Variants in SMYD3 observed in about 807,000 individuals in gnomAD.
SMYD3 encodes the protein SET and MYND domain containing 3.
SMYD3 carries 36 observed loss-of-function variants against 57.7 expected under a neutral mutation model. That is an observed-to-expected ratio of 0.62 (90% CI 0.48 to 0.82). The LOEUF (loss-of-function observed/expected upper bound fraction) is 0.82, where lower values mean the gene tolerates loss of function less well. SMYD3 is among the 40% of genes least tolerant of loss of function. The probability of loss-of-function intolerance (pLI) is 0.00; values close to 1 mark genes in which losing one functional copy is unlikely to be tolerated. For synonymous variants in SMYD3, 211 were observed against 195.0 expected, an observed-to-expected ratio of 1.08 and a Z score of -0.68; for missense variants, 515 against 538.8, an observed-to-expected ratio of 0.96 and a Z score of 0.44.
intron 10 of SMYD3, among the ~76,000 whole-genome samples, chr1:245,767,051 A>G (rs1425231274): frequency 6.6e-6 from 1 of 152,204 alleles, no homozygotes; most frequent in Non-Finnish European, 1.5e-5. Flanking sequence ...GTATAACTCC[A>G]AGGAAAGCTG....
intron 10 of SMYD3, among the ~76,000 whole-genome samples, chr1:245,840,293 A>T (rs1382713229): frequency 6.6e-6 from 1 of 152,238 alleles, no homozygotes; most frequent in Non-Finnish European, 1.5e-5. Flanking sequence ...CTAAAACCTT[A>T]CAGAAAAGAT....
At chr1:246,387,597 A>T (rs191485184) in intron 1 of SMYD3, among the ~76,000 whole-genome samples, 9 of 152,340 alleles carry the variant, frequency 5.9e-5, no homozygotes, top group Non-Finnish European at 1.2e-4. Context: ...AAAGCACAGG[A>T]TATTACCAGA....
intron 5 of SMYD3, among the ~76,000 whole-genome samples, chr1:246,257,767 G>A (rs1344582189): frequency 6.6e-6 from 1 of 152,156 alleles, no homozygotes. Context: ...TCCATATTTA[G>A]AACTTGATAT....
At chr1:246,374,851 G>C (rs995778118) in intron 1 of SMYD3, among the ~76,000 whole-genome samples, 2 of 86,320 alleles carry the variant, frequency 2.3e-5, no homozygotes, top group African/African-American at 5.2e-5. Context: ...CCAGCAGTTT[G>C]GGGGGCCGAG....
chr1:246,393,524 T>G (rs975834961), intron 1 of SMYD3, among the ~76,000 whole-genome samples: 2 of 151,936 alleles, frequency 1.3e-5, no homozygotes, highest in South Asian at 4.2e-4. Flanking sequence ...CATGAGAAAT[T>G]TATAATATTA....
rs745428675 is a variant in SMYD3 at position 246,094,960 on chromosome 1, C to T, written c.532-165023G>A. On this transcript the variant is annotated intron_variant, in intron 5 of 11. Transcript: ENST00000490107. The stretch of plus-strand genomic sequence containing the variant: ...GGCCCTGAGTGTTTACGGCAAGCCC[C>T]GCATTGGTATCTCTATTAGACCCTC... Among the ~76,000 whole-genome samples, 9 of 152,238 alleles carry T rather than the reference C, an allele frequency of 5.9e-5. No individual in the cohort carries two copies. In the South Asian group the frequency reaches 1.5e-3, roughly 25 times the overall value.
intron 11 of SMYD3, among the ~76,000 whole-genome samples, chr1:245,761,485 T>A (rs1319963821): frequency 6.6e-6 from 1 of 152,186 alleles, no homozygotes; most frequent in Non-Finnish European, 1.5e-5. Flanking sequence ...TTCAGGCTTG[T>A]CCTTATAGTT....
intron 5 of SMYD3, among the ~76,000 whole-genome samples, chr1:246,031,681 G>A (rs979902631): frequency 2.0e-5 from 3 of 151,270 alleles, no homozygotes; most frequent in African/African-American, 7.3e-5. Flanking sequence ...AGGATGCAGT[G>A]AGCAGAGATC....
intron 5 of SMYD3, among the ~76,000 whole-genome samples, chr1:246,032,194 C>G (rs986274278): frequency 1.3e-5 from 2 of 152,158 alleles, no homozygotes; most frequent in African/African-American, 4.8e-5. Flanking sequence ...ACTGAGTTAG[C>G]AGTCTTTTCC....
intron 11 of SMYD3, among the ~76,000 whole-genome samples, chr1:245,757,815 G>A (rs551506438): frequency 6.6e-6 from 1 of 151,986 alleles, no homozygotes; most frequent in African/African-American, 2.4e-5. Flanking sequence ...ACCCTGTTTT[G>A]ACTACTGTAG....
intron 1 of SMYD3, among the ~76,000 whole-genome samples, chr1:246,378,460 G>A (rs981263655): frequency 1.9e-4 from 29 of 151,504 alleles, no homozygotes; most frequent in African/African-American, 6.3e-4. Flanking sequence ...TGTAAAAAGA[G>A]AGACTGGCCT....
intron 1 of SMYD3, among the ~76,000 whole-genome samples, chr1:246,434,318 A>G (rs1349788156): frequency 1.3e-5 from 2 of 152,262 alleles, no homozygotes; most frequent in Admixed American, 6.5e-5. Context: ...GCATCTGCAC[A>G]GCAAAAGAAA....
At chr1:246,386,971 G>A (rs1235219270) in intron 1 of SMYD3, among the ~76,000 whole-genome samples, 1 of 152,004 alleles carries the variant, frequency 6.6e-6, no homozygotes, top group Admixed American at 6.6e-5. Context: ...GTATAGGCCA[G>A]TACATTAATA....
chr1:246,459,819 G>A (rs528689495), intron 1 of SMYD3, among the ~76,000 whole-genome samples: 1 of 145,902 alleles, frequency 6.9e-6, no homozygotes, highest in South Asian at 2.2e-4. Flanking sequence ...TTAAAGCCTG[G>A]AACCAAAATG....
chr1:246,336,926 G>A (rs917579493), intron 2 of SMYD3, among the ~76,000 whole-genome samples: 1 of 152,172 alleles, frequency 6.6e-6, no homozygotes, highest in Non-Finnish European at 1.5e-5. Flanking sequence ...ATCCTCAACT[G>A]ACAGAAAGTA....
rs144197944 is a variant in SMYD3, at chr1:245,838,488, T to C, written c.1076+20008A>G. 2.1e-3 allele frequency among the ~76,000 whole-genome samples: 326 copies of C among 152,330 alleles called. 2 individuals are homozygous for C. The highest frequency in any genetic ancestry group is 3.1e-3 in the Non-Finnish European group (209 of 68,028). ...TGGCTTTGGGTGAGGTGCTCAACTC[T>C]CTGAGCCACAGCTTTCAGAGCTCTA... On this transcript the variant is annotated intron_variant, in intron 10 of 11. Coordinates refer to ENST00000490107, the MANE Select transcript of SMYD3 (RefSeq NM_001167740.2).
chr1:245,768,964 T>A (rs1414808004), intron 10 of SMYD3, among the ~76,000 whole-genome samples: 2 of 152,222 alleles, frequency 1.3e-5, no homozygotes. Context: ...ACTAAGTTAA[T>A]ACAATTATTT....
chr1:246,427,274 A>G (rs2067232028), intron 1 of SMYD3, among the ~76,000 whole-genome samples: 1 of 152,162 alleles, frequency 6.6e-6, no homozygotes, highest in East Asian at 1.9e-4. Flanking sequence ...TAATCCCAGC[A>G]CTTTGGGAGG....
chr1:246,136,396 C>T lies in SMYD3; in HGVS notation c.531+190805G>A, dbSNP rs187709163. ...ACACCTTAGACACCTCATGGAGGAG[C>T]CCGGAGACAGTTGTGAATAATGCTG... On this transcript the variant is annotated intron_variant, in intron 5 of 11. Coordinates refer to ENST00000490107, the MANE Select transcript of SMYD3 (RefSeq NM_001167740.2). 1.2e-3 allele frequency among the ~76,000 whole-genome samples: 176 copies of T among 152,240 alleles called. 1 individual carries two copies. In the Middle Eastern group the frequency reaches 0.017, roughly 15 times the overall value.
Sources: allele counts gnomAD v4.1 joint callset (sites outside exome capture counted in the v4.1 genomes callset), GRCh38; gene constraint gnomAD v4.1.1; transcripts MANE v1.5; gene names NCBI Gene and HGNC (gene_info 2026-07-23, HGNC 2026-07-21).